Variants in FBXL2 observed in about 807,000 individuals in gnomAD.
The protein encoded by FBXL2 is F-box and leucine rich repeat protein 2, also known as F-box/LRR-repeat protein 2.
FBXL2 carries 38 observed loss-of-function variants against 69.2 expected under a neutral mutation model. That is an observed-to-expected ratio of 0.55 (90% CI 0.42 to 0.72). FBXL2 has a LOEUF of 0.72. Among genes scored for constraint, FBXL2 ranks in the 30% least tolerant of loss-of-function variants. The pLI is 0.00. For missense variants in FBXL2, 354 were observed against 520.3 expected (o/e 0.68, Z 3.11); for synonymous variants, 192 against 201.3 (o/e 0.95, Z 0.39).
At chr3:33,365,001 A>G (rs1347931429) in intron 5 of FBXL2, among the ~76,000 whole-genome samples, 1 of 152,176 alleles carries the variant, frequency 6.6e-6, no homozygotes, top group Non-Finnish European at 1.5e-5. Flanking sequence ...GGACTGTCAT[A>G]GGCATAACAA....
intron 2 of FBXL2, among the ~76,000 whole-genome samples, chr3:33,330,655 A>C (rs1575218005): frequency 6.6e-6 from 1 of 152,294 alleles, no homozygotes; most frequent in Non-Finnish European, 1.5e-5. Flanking sequence ...TGAGAGGCCA[A>C]GCCAGGCAGC....
chr3:33,418,564 A>C, the FBXL2 span, among the ~76,000 whole-genome samples: 7 of 151,950 alleles, frequency 4.6e-5, no homozygotes, highest in East Asian at 2.0e-4. Context: ...CGGCCATAAG[A>C]AGTATTTAAT....
chr3:33,296,375 G>C (rs951209350), intron 1 of FBXL2, among the ~76,000 whole-genome samples: 4 of 152,080 alleles, frequency 2.6e-5, no homozygotes, highest in Admixed American at 6.5e-5. Flanking sequence ...CAGGTCTTTT[G>C]TTTTGATGAA....
chr3:33,306,816 T>C (rs115853354), intron 2 of FBXL2, among the ~76,000 whole-genome samples: 104 of 152,280 alleles, frequency 6.8e-4, no homozygotes, highest in Non-Finnish European at 1.3e-3. Context: ...TGGTTTTATC[T>C]TTTTTCAGAT....
At chr3:33,366,439 G>A (rs147227426) in intron 5 of FBXL2, among the ~76,000 whole-genome samples, 1 of 152,192 alleles carries the variant, frequency 6.6e-6, no homozygotes, top group African/African-American at 2.4e-5. Context: ...GGCCAAGGTG[G>A]GAGAATCACT....
At chr3:33,403,011 C>A in intron 12 of FBXL2, 1 of 1,010,662 alleles carries the variant, frequency 9.9e-7, no homozygotes, top group South Asian at 1.5e-5. Flanking sequence ...AAATGCGAGA[C>A]AGCTGACATT....
chr3:33,353,681 G>C (rs1391664112), intron 2 of FBXL2, among the ~76,000 whole-genome samples: 1 of 152,208 alleles, frequency 6.6e-6, no homozygotes, highest in Non-Finnish European at 1.5e-5. Context: ...TTAAGGCCAG[G>C]AGTTCAAGAC....
In FBXL2 at chr3:33,284,824, C is replaced by T. The variant is rs1431871252; in HGVS notation, c.3+7309C>T. Among the ~76,000 whole-genome samples the T allele has an allele frequency of 2.0e-5, 3 of 152,236 alleles. No individual in the cohort carries two copies. In the East Asian group the frequency reaches 5.8e-4, roughly 29 times the overall value. The stretch of plus-strand genomic sequence containing the variant: ...AATGGCCTTCTTTGTCTCTTTTGAT[C>T]TTTGTTGGTTTAAAGTCTGTTTTAT... On this transcript the variant is annotated intron_variant, in intron 1 of 14. Transcript: ENST00000484457.
intron 2 of FBXL2, among the ~76,000 whole-genome samples, chr3:33,320,715 G>A (rs2038125528): frequency 6.6e-6 from 1 of 151,974 alleles, no homozygotes; most frequent in South Asian, 2.1e-4. Context: ...TCCTGACCTG[G>A]TGATCCACCT....
At chr3:33,357,083 C>T (rs2041252753) in intron 2 of FBXL2, among the ~76,000 whole-genome samples, 1 of 152,176 alleles carries the variant, frequency 6.6e-6, no homozygotes, top group South Asian at 2.1e-4. Flanking sequence ...ATAGTAATAG[C>T]ACAACACCTC....
At chr3:33,410,171 A>G in the FBXL2 span, among the ~76,000 whole-genome samples, 1 of 152,206 alleles carries the variant, frequency 6.6e-6, no homozygotes, top group South Asian at 2.1e-4. Flanking sequence ...TTCAAAGTCC[A>G]TTCAGGATCC....
chr3:33,411,521 A>C, the FBXL2 span: 1 of 1,429,806 alleles, frequency 7.0e-7, no homozygotes, highest in East Asian at 2.3e-5. Context: ...TCAAAAATTC[A>C]ATCCTACCAT....
chr3:33,278,611 A>T (rs1473857380), intron 1 of FBXL2, among the ~76,000 whole-genome samples: 1 of 152,040 alleles, frequency 6.6e-6, no homozygotes, highest in African/African-American at 2.4e-5. Flanking sequence ...AAGGAGAGGG[A>T]TGGTGGTGGG....
intron 1 of FBXL2, among the ~76,000 whole-genome samples, chr3:33,291,606 A>G (rs1027328994): frequency 1.3e-5 from 2 of 152,210 alleles, no homozygotes; most frequent in South Asian, 4.1e-4. Context: ...CACAACAAGC[A>G]GGGGAAGTCA....
chr3:33,367,362 G>A (rs1487902612), intron 5 of FBXL2, among the ~76,000 whole-genome samples: 6 of 152,110 alleles, frequency 3.9e-5, no homozygotes, highest in South Asian at 4.1e-4. Flanking sequence ...GATTATAAGC[G>A]TGAGCCACCG....
intron 13 of FBXL2, among the ~76,000 whole-genome samples, chr3:33,380,414 C>T (rs1413601068): frequency 6.6e-6 from 1 of 151,350 alleles, no homozygotes; most frequent in Non-Finnish European, 1.5e-5. Context: ...AAAAATTAGC[C>T]AGGCATGGTG....
chr3:33,331,650 A>G (rs2039175368), intron 2 of FBXL2, among the ~76,000 whole-genome samples: 1 of 152,180 alleles, frequency 6.6e-6, no homozygotes, highest in African/African-American at 2.4e-5. Context: ...GCAGAATCAA[A>G]TGTAAAACAA....
At chr3:33,311,724 A>G (rs2037215489) in intron 2 of FBXL2, among the ~76,000 whole-genome samples, 3 of 152,062 alleles carry the variant, frequency 2.0e-5, no homozygotes, top group Admixed American at 6.5e-5. Flanking sequence ...TCCCAGGTTC[A>G]AGCAATTCTC....
chr3:33,329,476 T>C lies in FBXL2; in HGVS notation c.66-29491T>C, dbSNP rs180699538. Among the ~76,000 whole-genome samples, 264 of 151,572 alleles carry C rather than the reference T, an allele frequency of 1.7e-3. 3 individuals carry two copies. Among genetic ancestry groups the C allele is most frequent in the Non-Finnish European group, 2.4e-4 (16 of 67,714 alleles). On this transcript the variant is annotated intron_variant, in intron 2 of 14. Coordinates refer to ENST00000484457, the MANE Select transcript of FBXL2 (RefSeq NM_012157.5). ...AGAGATATTTACACTCCAATGTGTA[T>C]TGCAGCATTATTCACAATAGCCAAA...
Sources: gnomAD v4.1 joint callset for allele counts (sites outside exome capture counted in the v4.1 genomes callset) on GRCh38, gnomAD v4.1.1 for gene constraint, MANE v1.5 for transcripts, NCBI Gene and HGNC (gene_info 2026-07-23, HGNC 2026-07-21) for gene names.